The following TMEM39A variants were observed in gnomAD, a reference collection of about 807,000 sequenced individuals.
TMEM39A encodes transmembrane protein 39A.
A neutral mutation model predicts 51.9 loss-of-function variants in TMEM39A; 19 were observed. The observed-to-expected ratio is 0.37, with a 90% CI of 0.26 to 0.54. The LOEUF is 0.54. TMEM39A is among the 20% of genes least tolerant of loss of function. The pLI is 0.88. For synonymous variants in TMEM39A, 197 were observed against 220.2 expected (o/e 0.89, Z 0.93); for missense variants, 433 against 590.5 (o/e 0.73, Z 2.76).
intron 5 of TMEM39A, among the ~76,000 whole-genome samples, chr3:119,446,438 G>C (rs1271437674): frequency 6.6e-6 from 1 of 152,224 alleles, no homozygotes; most frequent in African/African-American, 2.4e-5. Flanking sequence ...TCACATCCTG[G>C]TGGGACAAAA....
intron 3 of TMEM39A, among the ~76,000 whole-genome samples, chr3:119,457,668 T>C (rs1331543319): frequency 1.3e-5 from 2 of 152,194 alleles, no homozygotes; most frequent in African/African-American, 4.8e-5. Context: ...ACTATCCTAA[T>C]TCAGCCATTA....
Position 119,447,103 on chromosome 3 carries a change from T to C in TMEM39A, c.490A>G (p.Thr164Ala), listed in dbSNP as rs1373295515. The C allele has an allele frequency of 6.2e-7, 1 of 1,613,988 alleles. No homozygotes were observed. The highest frequency in any genetic ancestry group is 8.5e-7 in the Non-Finnish European group (1 of 1,180,002). Reference sequence around the variant, plus strand: ...CAACAAAGTACCCATCCACACAAAGTGAGTAGTACCAAGCGAGCTGATATC... The same window carrying C: ...CAACAAAGTACCCATCCACACAAAGCGAGTAGTACCAAGCGAGCTGATATC... The part of the protein sequence containing the change: ...VLISARLVLL[T>A]LCGWVLCWTL... Residue 164 changes from threonine (T) to alanine (A), a missense_variant, in exon 5 of 9, where the codon ACT becomes GCT. Around this residue, in one of 3 missense-constraint regions of TMEM39A, gnomAD observed 170 missense variants for 239.8 expected, o/e 0.71. Coordinates refer to ENST00000319172, the MANE Select transcript of TMEM39A (RefSeq NM_018266.3).
At position 119,429,690 on chromosome 3, in the gene TMEM39A, A is replaced by G. The variant is rs929007638; in HGVS notation, c.*2291T>C. On this transcript the variant is annotated 3_prime_UTR_variant, in exon 9 of 9. Transcript: ENST00000319172. ...AACAAAAAACAGCTGGAATGTGTAGAACACGTTGAACTAAACGGTCTTATG... is the reference window on the plus strand; with the variant it reads ...AACAAAAAACAGCTGGAATGTGTAGGACACGTTGAACTAAACGGTCTTATG... 6.6e-6 allele frequency: 1 copy of G among 152,162 alleles called. No homozygotes were observed. Among genetic ancestry groups the G allele is most frequent in the Non-Finnish European group, 1.5e-5 (1 of 68,006 alleles). The allele number at this position is 152,162 out of a possible 1,614,324, so 9.4% of individuals were successfully genotyped here. A position where few individuals can be genotyped will look rare whatever the true frequency, so the allele number is the denominator to read the frequency against.
intron 5 of TMEM39A, among the ~76,000 whole-genome samples, chr3:119,442,748 C>G (rs767423229): frequency 8.6e-5 from 13 of 152,012 alleles, no homozygotes; most frequent in Non-Finnish European, 1.5e-5. Context: ...GAAGAAAAAG[C>G]AACAGAACTA....
At chr3:119,433,761 CAAG>C (rs756759172) in intron 8 of TMEM39A, among the ~76,000 whole-genome samples, 1 of 152,150 alleles carries the variant, frequency 6.6e-6, no homozygotes, top group Non-Finnish European at 1.5e-5. Flanking sequence ...CCACTGGCGT[CAAG>C]AAGGAGATGC....
At chr3:119,441,206 G>A (rs909510119) in intron 5 of TMEM39A, among the ~76,000 whole-genome samples, 2 of 152,156 alleles carry the variant, frequency 1.3e-5, no homozygotes, top group African/African-American at 4.8e-5. Context: ...TCAAGTGAAA[G>A]GACATCACAC....
chr3:119,434,636 T>C (rs1478687921), intron 8 of TMEM39A, 126 bp downstream of exon 8: 2 of 1,364,654 alleles, frequency 1.5e-6, no homozygotes, highest in African/African-American at 1.4e-5. Context: ...GTTACGCTAG[T>C]AGCAATAATT....
At chr3:119,438,579 A>C (rs1481630203) in intron 5 of TMEM39A, among the ~76,000 whole-genome samples, 2 of 152,224 alleles carry the variant, frequency 1.3e-5, no homozygotes, top group African/African-American at 2.4e-5. Flanking sequence ...ATTTTTCTAT[A>C]GAAATTTTTA....
intron 7 of TMEM39A, chr3:119,435,958 T>A (rs1329114776): frequency 3.9e-6 from 5 of 1,284,510 alleles, no homozygotes; most frequent in Non-Finnish European, 5.1e-6. Context: ...TCAAGGCAGA[T>A]AATTGAAGGG....
chr3:119,461,457 T>C (rs966843679), intron 2 of TMEM39A, among the ~76,000 whole-genome samples: 4 of 152,314 alleles, frequency 2.6e-5, no homozygotes, highest in African/African-American at 7.2e-5. Context: ...GCAGAAAATA[T>C]CTTGAGCAAA....
At chr3:119,449,820 T>A (rs1577060255) in intron 4 of TMEM39A, among the ~76,000 whole-genome samples, 1 of 151,864 alleles carries the variant, frequency 6.6e-6, no homozygotes, top group East Asian at 1.9e-4. Context: ...GTGAAGCAAG[T>A]ATAGAAGTAG....
intron 5 of TMEM39A, among the ~76,000 whole-genome samples, chr3:119,438,514 A>G (rs189571672): frequency 1.8e-4 from 27 of 152,278 alleles, no homozygotes; most frequent in Non-Finnish European, 2.6e-4. Context: ...GTATGTGTGC[A>G]TGTGTGTATA....
At chr3:119,451,918 A>G (rs1560017976) in intron 4 of TMEM39A, among the ~76,000 whole-genome samples, 1 of 151,908 alleles carries the variant, frequency 6.6e-6, no homozygotes, top group South Asian at 2.1e-4. Context: ...AGATCATTTA[A>G]TGTTCTAATT....
Position 119,462,156 on chromosome 3 carries a change from A to G in TMEM39A, c.-74-8T>C. 1.0e-6 allele frequency: 1 copy of G among 988,518 alleles called. No individual in the cohort carries two copies. The highest frequency in any genetic ancestry group is 1.6e-6 in the Non-Finnish European group (1 of 643,652). The allele number at this position is 988,518 out of a possible 1,614,324, so 61.2% of individuals were successfully genotyped here. On this transcript the variant is annotated splice_polypyrimidine_tract_variant and splice_region_variant and intron_variant, in intron 1 of 8. Transcript: ENST00000319172. ...TGTCAACCAGTTTCAACTCTGAACG[A>G]CAACAAAAACATTTAAACATCAGTA...
In TMEM39A at chr3:119,436,857, G is replaced by A; in HGVS notation, c.1046C>T (p.Ser349Leu). ...CTGCCACTTGCCCAGGTGAGCAGCT[G>A]ATTTATGTAGCAAATCACAGTATTT... Reference protein sequence around the residue: ...PSKYCDLLHKSAAHLGKWQKL... With the variant: ...PSKYCDLLHKLAAHLGKWQKL... The change falls in exon 7 of 9, where the codon TCA (serine) becomes TTA (leucine). Residue 349 changes from serine to leucine, a missense_variant. This residue lies in a region of TMEM39A where 223 missense variants were observed against 328.1 expected (regional missense o/e 0.68). Coordinates refer to ENST00000319172, the MANE Select transcript of TMEM39A (RefSeq NM_018266.3). 1 of 1,614,064 alleles carries A rather than the reference G, an allele frequency of 6.2e-7. No individual in the cohort carries two copies. Among genetic ancestry groups the A allele is most frequent in the Non-Finnish European group, 8.5e-7 (1 of 1,179,956 alleles).
At chr3:119,446,107 A>G (rs1560014546) in intron 5 of TMEM39A, among the ~76,000 whole-genome samples, 1 of 152,248 alleles carries the variant, frequency 6.6e-6, no homozygotes, top group East Asian at 1.9e-4. Context: ...TAGAACAATT[A>G]TAACAATATA....
rs917489492 is a variant in TMEM39A, at chr3:119,452,348, T to C, written c.420+99A>G. 9 of 782,692 alleles carry C rather than the reference T, an allele frequency of 1.1e-5. No homozygotes were observed. The Admixed American group carries it at 1.5e-4, about 13-fold the overall frequency. 48.5% of individuals were successfully genotyped at this position (782,692 alleles called of 1,614,324 possible). A position where few individuals can be genotyped will look rare whatever the true frequency, so the allele number is the denominator to read the frequency against. Reference sequence around the variant, plus strand: ...ACTCACATGGGAGTAAAGTAATTTATTGTTTCATTAAATGGGGACACGTCA... The same window carrying C: ...ACTCACATGGGAGTAAAGTAATTTACTGTTTCATTAAATGGGGACACGTCA... On this transcript the variant is annotated intron_variant, in intron 4 of 8. Coordinates refer to ENST00000319172, the MANE Select transcript of TMEM39A (RefSeq NM_018266.3).
chr3:119,443,587 A>G lies in TMEM39A; in HGVS notation c.575+3431T>C, dbSNP rs2081083863. Reference sequence around the variant, plus strand: ...TTTTTTAATTAAGATATGTACTTTTAAAAGACATAATGCTATTATGTACTT... The same window carrying G: ...TTTTTTAATTAAGATATGTACTTTTGAAAGACATAATGCTATTATGTACTT... On this transcript the variant is annotated intron_variant, in intron 5 of 8. Transcript: ENST00000319172. 2.0e-5 allele frequency among the ~76,000 whole-genome samples: 3 copies of G among 152,200 alleles called. No homozygotes were observed. The South Asian group carries it at 6.2e-4, about 31-fold the overall frequency.
Position 119,454,217 on chromosome 3 carries a change from T to C in TMEM39A, c.337-1687A>G, listed in dbSNP as rs559297564. ...GAGTGAAAAATGATAACAGACTGAATAGTGTGAGTAGCAATGGAGATGGAA... is the reference window on the plus strand; with the variant it reads ...GAGTGAAAAATGATAACAGACTGAACAGTGTGAGTAGCAATGGAGATGGAA... On this transcript the variant is annotated intron_variant, in intron 3 of 8. Transcript: ENST00000319172. Among the ~76,000 whole-genome samples, 16 of 152,258 alleles carry C rather than the reference T, an allele frequency of 1.1e-4. No homozygotes were observed. The East Asian group carries it at 2.9e-3, about 28-fold the overall frequency.
Sources: allele counts gnomAD v4.1 joint callset (sites outside exome capture counted in the v4.1 genomes callset), GRCh38; gene constraint gnomAD v4.1.1; regional missense constraint gnomAD v4.1.1; transcripts MANE v1.5; gene names NCBI Gene and HGNC (gene_info 2026-07-23, HGNC 2026-07-21).